TBC1D15: variants seen among roughly 807,000 people sequenced by gnomAD.
The protein encoded by TBC1D15 is GAP for RAB7.
In TBC1D15, 39 loss-of-function variants were observed where a neutral mutation model predicts 95.4. The observed-to-expected ratio is 0.41, with a 90% confidence interval of 0.32 to 0.53. The LOEUF (loss-of-function observed/expected upper bound fraction) is 0.53. TBC1D15 is among the 20% of genes least tolerant of loss of function. The pLI is 0.29. For missense variants in TBC1D15, 733 were observed against 794.3 expected (o/e 0.92, Z 0.93); for synonymous variants, 258 against 261.3 (o/e 0.99, Z 0.12).
intron 8 of TBC1D15, 97 bp downstream of exon 8, chr12:71,896,172 T>G: frequency 1.6e-6 from 2 of 1,222,364 alleles, no homozygotes; most frequent in Non-Finnish European, 2.2e-6. Context: ...TTTTTTGTTG[T>G]TGGTTTTTTT....
At chr12:71,915,083 G>A (rs1903369060) in intron 12 of TBC1D15, among the ~76,000 whole-genome samples, 1 of 151,838 alleles carries the variant, frequency 6.6e-6, no homozygotes. Context: ...CTATTTGGAA[G>A]GATTATCAAT....
At chr12:71,848,786 C>G (rs1188807592) in intron 1 of TBC1D15, among the ~76,000 whole-genome samples, 3 of 152,156 alleles carry the variant, frequency 2.0e-5, no homozygotes, top group African/African-American at 4.8e-5. Context: ...ACCTGAGAAT[C>G]AGGAAATTCA....
chr12:71,843,897 G>T (rs1885676279), intron 1 of TBC1D15, among the ~76,000 whole-genome samples: 1 of 152,126 alleles, frequency 6.6e-6, no homozygotes, highest in African/African-American at 2.4e-5. Flanking sequence ...GACTATCTGT[G>T]ATGTATTGCC....
chr12:71,894,738 C>T lies in TBC1D15; in HGVS notation c.710C>T (p.Thr237Ile). Residue 237 changes from threonine to isoleucine, a missense_variant, in exon 7 of 17, where the codon ACA (threonine) becomes ATA (isoleucine). Thr to Ile is a moderately conservative substitution (Grantham distance 89). Coordinates refer to ENST00000485960, the MANE Select transcript of TBC1D15 (RefSeq NM_001146213.3). Reference protein sequence around the residue: ...TATMIGFSKVTNYIFDSLRGS... With the variant: ...TATMIGFSKVINYIFDSLRGS... ...ACTATGATAGGATTTTCCAAAGTCACAAACTACATTTTTGACAGTTTGAGA... is the reference window on the plus strand; with the variant it reads ...ACTATGATAGGATTTTCCAAAGTCATAAACTACATTTTTGACAGTTTGAGA... 6.2e-7 allele frequency: 1 copy of T among 1,613,178 alleles called. No homozygotes were observed. The highest frequency in any genetic ancestry group is 1.3e-5 in the African/African-American group (1 of 74,984).
At chr12:71,913,556 C>G (rs938346285) in intron 11 of TBC1D15, 1 of 287,258 alleles carries the variant, frequency 3.5e-6, no homozygotes, top group African/African-American at 2.3e-5. Flanking sequence ...AAAAATATTA[C>G]CCACTCTTGA....
intron 1 of TBC1D15, among the ~76,000 whole-genome samples, chr12:71,842,483 A>T (rs1277476026): frequency 6.6e-6 from 1 of 152,128 alleles, no homozygotes; most frequent in South Asian, 2.1e-4. Context: ...TGCCCCTAAC[A>T]TAGATTCTGG....
At chr12:71,883,200 T>C (rs1392011139) in intron 4 of TBC1D15, among the ~76,000 whole-genome samples, 7 of 152,086 alleles carry the variant, frequency 4.6e-5, no homozygotes, top group Non-Finnish European at 8.8e-5. Context: ...GCAGTATGTA[T>C]CTGTTCTAGG....
intron 1 of TBC1D15, among the ~76,000 whole-genome samples, chr12:71,863,252 C>T (rs918300445): frequency 1.3e-5 from 2 of 152,022 alleles, no homozygotes; most frequent in Non-Finnish European, 1.5e-5. Flanking sequence ...GTGGCGGGCA[C>T]CTGTAGTCCC....
intron 1 of TBC1D15, among the ~76,000 whole-genome samples, chr12:71,844,184 T>C (rs1448051380): frequency 1.3e-5 from 2 of 152,244 alleles, no homozygotes; most frequent in South Asian, 2.1e-4. Flanking sequence ...TCTCTCCCTC[T>C]CTGGATTACT....
chr12:71,842,557 G>T (rs952327037), intron 1 of TBC1D15, among the ~76,000 whole-genome samples: 1 of 152,146 alleles, frequency 6.6e-6, no homozygotes, highest in African/African-American at 2.4e-5. Flanking sequence ...GGAACCAGGT[G>T]CCGTGGCTCA....
chr12:71,903,041 A>G (rs1310601865), intron 10 of TBC1D15, among the ~76,000 whole-genome samples: 1 of 152,104 alleles, frequency 6.6e-6, no homozygotes, highest in African/African-American at 2.4e-5. Context: ...CCTCCCGGGT[A>G]GCTGGGATTA....
chr12:71,879,257 C>G (rs897730294), intron 3 of TBC1D15, among the ~76,000 whole-genome samples: 1 of 151,894 alleles, frequency 6.6e-6, no homozygotes, highest in Non-Finnish European at 1.5e-5. Context: ...CTCAGCCTCT[C>G]GAGTAGCTGG....
intron 1 of TBC1D15, among the ~76,000 whole-genome samples, chr12:71,848,663 A>G (rs1886950653): frequency 6.6e-6 from 1 of 152,118 alleles, no homozygotes; most frequent in South Asian, 2.1e-4. Context: ...TTCATCTTAT[A>G]TAAAAGGGGG....
intron 16 of TBC1D15, among the ~76,000 whole-genome samples, chr12:71,922,537 A>G (rs1869826238): frequency 6.6e-6 from 1 of 152,132 alleles, no homozygotes; most frequent in Non-Finnish European, 1.5e-5. Context: ...TCCTTGTATC[A>G]TTTGTTCATT....
At chr12:71,905,101 CT>C (rs1900362510) in intron 10 of TBC1D15, among the ~76,000 whole-genome samples, 1 of 151,952 alleles carries the variant, frequency 6.6e-6, no homozygotes, top group Non-Finnish European at 1.5e-5. Context: ...TTATATATTA[CT>C]TTTTATCCCT....
intron 11 of TBC1D15, among the ~76,000 whole-genome samples, chr12:71,911,624 G>A: frequency 8.1e-6 from 1 of 122,856 alleles, no homozygotes. Context: ...GGACTGTTGT[G>A]GGGTGGGGGG....
chr12:71,907,749 GA>G (rs1901109395), intron 11 of TBC1D15: 2 of 152,234 alleles, frequency 1.3e-5, no homozygotes, highest in African/African-American at 4.8e-5. Flanking sequence ...ACCGTTGTTT[GA>G]TATGCTTTTC....
intron 14 of TBC1D15, among the ~76,000 whole-genome samples, chr12:71,920,069 T>G (rs1868668727): frequency 6.6e-6 from 1 of 152,218 alleles, no homozygotes; most frequent in Non-Finnish European, 1.5e-5. Context: ...TGGGTGTTTT[T>G]ATCTTTGTGG....
chr12:71,920,753 G>C lies in TBC1D15; in HGVS notation c.1622G>C (p.Cys541Ser). 6.2e-7 allele frequency: 1 copy of C among 1,612,592 alleles called. No individual in the cohort carries two copies. Among genetic ancestry groups the C allele is most frequent in the Non-Finnish European group, 8.5e-7 (1 of 1,179,386 alleles). Residue 541 changes from cysteine to serine, a missense_variant, in exon 15 of 17, where the codon TGT (cysteine) becomes TCT (serine). Physicochemically the swap from Cys to Ser is moderately radical, Grantham distance 112. Transcript: ENST00000485960. The part of the protein sequence containing the change: ...LWEVMWTELP[C>S]TNFHLLLCCA... ...TAGGTAATGTGGACCGAACTACCAT[G>C]TACAAATTTCCATCTTCTTCTCTGT...
Sources: gnomAD v4.1 joint callset for allele counts (sites outside exome capture counted in the v4.1 genomes callset) on GRCh38, gnomAD v4.1.1 for gene constraint, MANE v1.5 for transcripts, NCBI Gene and HGNC (gene_info 2026-07-23, HGNC 2026-07-21) for gene names.